TRHDE: variants seen among roughly 807,000 people sequenced by gnomAD.
The protein encoded by TRHDE is thyrotropin releasing hormone degrading enzyme.
A neutral mutation model predicts 125.7 loss-of-function variants in TRHDE; 72 were observed. That is an observed-to-expected ratio of 0.57 (90% CI 0.47 to 0.70). TRHDE has a LOEUF of 0.70. Among genes scored for constraint, TRHDE ranks in the 30% least tolerant of loss-of-function variants. The probability of loss-of-function intolerance (pLI) is 0.00; values close to 1 mark genes in which losing one functional copy is unlikely to be tolerated. For synonymous variants in TRHDE, 509 were observed against 509.1 expected, an observed-to-expected ratio of 1.00 and a Z score of 0.00; for missense variants, 1,110 against 1,327.1, an observed-to-expected ratio of 0.84 and a Z score of 2.54.
At chr12:72,537,091 C>T (rs1416486583) in intron 6 of TRHDE, among the ~76,000 whole-genome samples, 1 of 151,972 alleles carries the variant, frequency 6.6e-6, no homozygotes, top group African/African-American at 2.4e-5. Flanking sequence ...TTGTTTACTA[C>T]CCATGTCAAT....
chr12:72,120,662 CCTACTCTT>C (rs902922960), intron 2 of TRHDE, among the ~76,000 whole-genome samples: 1 of 151,208 alleles, frequency 6.6e-6, no homozygotes, highest in African/African-American at 2.4e-5. Flanking sequence ...ACTTCATCCT[CCTACTCTT>C]TAACTTTTTT....
intron 2 of TRHDE, among the ~76,000 whole-genome samples, chr12:72,215,581 AC>A (rs1877872421): frequency 6.6e-6 from 1 of 152,108 alleles, no homozygotes; most frequent in Non-Finnish European, 1.5e-5. Context: ...ATCTTCAGCT[AC>A]CCTTACCAAA....
chr12:72,301,955 C>T (rs1868268765), intron 2 of TRHDE, among the ~76,000 whole-genome samples: 1 of 152,186 alleles, frequency 6.6e-6, no homozygotes, highest in Admixed American at 6.5e-5. Flanking sequence ...TATAATACTG[C>T]TAGATCTCCC....
chr12:72,463,281 C>T (rs1876212964), intron 3 of TRHDE, among the ~76,000 whole-genome samples: 1 of 152,144 alleles, frequency 6.6e-6, no homozygotes, highest in Non-Finnish European at 1.5e-5. Context: ...ACTTTCTATC[C>T]CTTTTCCCTC....
chr12:72,212,630 T>A (rs566661709), intron 2 of TRHDE, among the ~76,000 whole-genome samples: 1 of 152,080 alleles, frequency 6.6e-6, no homozygotes, highest in Admixed American at 6.6e-5. Flanking sequence ...TAAACTACAA[T>A]GAGATACCCC....
intron 2 of TRHDE, among the ~76,000 whole-genome samples, chr12:72,344,408 C>T (rs548954472): frequency 1.3e-5 from 2 of 152,172 alleles, no homozygotes; most frequent in South Asian, 2.1e-4. Flanking sequence ...TTTATTAATC[C>T]TCATTTGCTG....
At chr12:72,244,724 A>G (rs1277241762) in intron 2 of TRHDE, among the ~76,000 whole-genome samples, 4 of 152,110 alleles carry the variant, frequency 2.6e-5, no homozygotes, top group African/African-American at 9.7e-5. Flanking sequence ...ACATAACAAT[A>G]TATTACATTA....
At chr12:72,170,327 A>T (rs1480838628) in intron 2 of TRHDE, among the ~76,000 whole-genome samples, 2 of 152,152 alleles carry the variant, frequency 1.3e-5, no homozygotes, top group Admixed American at 1.3e-4. Flanking sequence ...CTCTTGACTT[A>T]ATGTGAAAAT....
chr12:72,213,558 T>TA (rs1381991858), intron 2 of TRHDE, among the ~76,000 whole-genome samples: 6 of 152,112 alleles, frequency 3.9e-5, no homozygotes, highest in African/African-American at 1.4e-4. Context: ...AGAACAGGGA[T>TA]ATTAAATCTT....
intron 5 of TRHDE, among the ~76,000 whole-genome samples, chr12:72,498,551 T>C (rs2135934537): frequency 6.6e-6 from 1 of 152,262 alleles, no homozygotes; most frequent in Non-Finnish European, 1.5e-5. Context: ...TCTTTATATT[T>C]TGCAATTTCT....
rs369224933 is a variant in TRHDE, at chr12:72,279,395, T to C, written c.914+5838T>C. ...CCCCTAGCAATCATAATCTTCATCA[T>C]CACCATCATCATCATCATCATTTCT... On this transcript the variant is annotated intron_variant, in intron 1 of 18. Transcript: ENST00000261180. Among the ~76,000 whole-genome samples the C allele has an allele frequency of 5.9e-5, 9 of 152,282 alleles. No homozygotes were observed. The East Asian group carries it at 7.7e-4, about 13-fold the overall frequency.
chr12:72,272,336 G>A (rs1227917799), upstream of TRHDE: 1 of 363,008 alleles, frequency 2.8e-6, no homozygotes, highest in Non-Finnish European at 5.4e-6. This position sits in a 1 kb window ranked among gnomAD's most constrained non-coding sequence, Gnocchi z 6.7. Flanking sequence ...GCAGGGGCGG[G>A]GGCAGCATGT....
chr12:72,461,618 T>TC (rs1214195298), intron 3 of TRHDE, among the ~76,000 whole-genome samples: 6 of 145,474 alleles, frequency 4.1e-5, no homozygotes, highest in Admixed American at 1.4e-4. Flanking sequence ...AAATACAACT[T>TC]TTTTTTTTTT....
intron 7 of TRHDE, among the ~76,000 whole-genome samples, chr12:72,556,228 G>A (rs953874024): frequency 6.6e-6 from 1 of 152,196 alleles, no homozygotes; most frequent in Non-Finnish European, 1.5e-5. Flanking sequence ...CCAAGATAAT[G>A]TAGAAGTGTC....
intron 2 of TRHDE, among the ~76,000 whole-genome samples, chr12:72,222,204 A>G (rs1878015606): frequency 6.6e-6 from 1 of 152,146 alleles, no homozygotes; most frequent in Non-Finnish European, 1.5e-5. Context: ...GGGGTAGAGG[A>G]CATAGATCTG....
chr12:72,324,759 C>T lies in TRHDE; in HGVS notation c.1188+37805C>T, dbSNP rs574281192. Among the ~76,000 whole-genome samples, 12 of 152,066 alleles carry T rather than the reference C, an allele frequency of 7.9e-5. No individual in the cohort carries two copies. In the East Asian group the frequency reaches 1.2e-3, roughly 15 times the overall value. On this transcript the variant is annotated intron_variant, in intron 2 of 18. Coordinates refer to ENST00000261180, the MANE Select transcript of TRHDE (RefSeq NM_013381.3). ...TGAAACAGTAAATTATTTTCCCTTTCGAATCTTTGCAGACCTTCATTTTCA... is the reference window on the plus strand; with the variant it reads ...TGAAACAGTAAATTATTTTCCCTTTTGAATCTTTGCAGACCTTCATTTTCA...
intron 2 of TRHDE, among the ~76,000 whole-genome samples, chr12:72,121,287 T>C (rs915815918): frequency 1.3e-5 from 2 of 152,192 alleles, no homozygotes; most frequent in Non-Finnish European, 2.9e-5. Flanking sequence ...CACCAAGACT[T>C]GTACAGGAAT....
intron 2 of TRHDE, among the ~76,000 whole-genome samples, chr12:72,348,109 T>A (rs1242904232): frequency 3.3e-5 from 5 of 151,590 alleles, no homozygotes; most frequent in Admixed American, 6.6e-5. Flanking sequence ...ACATGATGTA[T>A]GTATATATAT....
intron 12 of TRHDE, among the ~76,000 whole-genome samples, chr12:72,614,828 A>G (rs966521705): frequency 6.6e-6 from 1 of 152,180 alleles, no homozygotes; most frequent in African/African-American, 2.4e-5. Flanking sequence ...AGGAATTCAG[A>G]ATGGTTTTTA....
Sources: allele counts gnomAD v4.1 joint callset (sites outside exome capture counted in the v4.1 genomes callset), GRCh38; gene constraint gnomAD v4.1.1; non-coding constraint Gnocchi (gnomAD v3.1); transcripts MANE v1.5; gene names NCBI Gene and HGNC (gene_info 2026-07-23, HGNC 2026-07-21).